The following DUSP4 variants were observed in gnomAD, a reference collection of about 807,000 sequenced individuals.
DUSP4 encodes the protein dual specificity phosphatase 4, also known as dual specificity protein phosphatase 4.
In DUSP4, 12 loss-of-function variants were observed where a neutral mutation model predicts 27.2. The observed-to-expected ratio is 0.44, with a 90% CI of 0.28 to 0.71. The LOEUF is 0.71. DUSP4 is among the 30% of genes least tolerant of loss of function. DUSP4 has a pLI of 0.14. For missense variants in DUSP4, 448 were observed against 551.3 expected, an observed-to-expected ratio of 0.81 and a Z score of 1.88; for synonymous variants, 257 against 245.2, an observed-to-expected ratio of 1.05 and a Z score of -0.45.
In DUSP4 at chr8:29,335,705, C is replaced by T. The variant is rs1817561766; in HGVS notation, c.*1321G>A. 1 of 152,222 alleles carries T rather than the reference C, an allele frequency of 6.6e-6. No individual in the cohort carries two copies. Among genetic ancestry groups the T allele is most frequent in the South Asian group, 2.1e-4 (1 of 4,828 alleles). The allele number at this position is 152,222 out of a possible 1,614,324, so 9.4% of individuals were successfully genotyped here. A position where few individuals can be genotyped will look rare whatever the true frequency, so the allele number is the denominator to read the frequency against. On this transcript the variant is annotated 3_prime_UTR_variant, in exon 4 of 4. Coordinates refer to ENST00000240100, the MANE Select transcript of DUSP4 (RefSeq NM_001394.7). ...ACAAAAGGATTCATTTCAGGGTTAT[C>T]TCTAGTTGTCTGGTTTCCCCAATGG...
In DUSP4 at chr8:29,337,265, T is replaced by G. The variant is rs1333837370; in HGVS notation, c.946A>C (p.Ile316Leu). ...AFEFVKQRRS[I>L]ISPNFSFMGQ... is the part of the protein sequence containing the mutation. ...ATGAAGCTGAAGTTGGGCGAGATGA[T>G]GCTGCGGCGCTGCTTAACGAACTCG... Residue 316 changes from isoleucine (I) to leucine (L), a missense_variant, in exon 4 of 4, where the codon ATC becomes CTC. By Grantham distance (5) the Ile-to-Leu change is conservative. Around this residue, in one of 3 missense-constraint regions of DUSP4, gnomAD observed 100 missense variants for 139.8 expected, o/e 0.72. Coordinates refer to ENST00000240100, the MANE Select transcript of DUSP4 (RefSeq NM_001394.7). The surrounding 1 kb of genome is among the most constrained non-coding windows in gnomAD (Gnocchi z 6.4). 6.2e-7 allele frequency: 1 copy of G among 1,613,754 alleles called. No individual in the cohort carries two copies. The highest frequency in any genetic ancestry group is 1.7e-5 in the Admixed American group (1 of 60,028).
rs1563858002 is a variant in DUSP4, at chr8:29,334,479, G to A, written c.*2547C>T. On this transcript the variant is annotated 3_prime_UTR_variant, in exon 4 of 4. Transcript: ENST00000240100. ...AATGAAAATGGCTTTATAAATAGCT[G>A]TTTTGACATTGTGATAGAAGGCTTG... is the stretch of plus-strand genomic sequence containing the variant. 6.6e-6 allele frequency: 1 copy of A among 152,230 alleles called. No homozygotes were observed. The highest frequency in any genetic ancestry group is 1.5e-5 in the Non-Finnish European group (1 of 68,040). The allele number at this position is 152,230 out of a possible 1,614,324, so 9.4% of individuals were successfully genotyped here.
intron 1 of DUSP4, among the ~76,000 whole-genome samples, chr8:29,342,945 A>AT (rs1234058763): frequency 6.6e-6 from 1 of 152,190 alleles, no homozygotes; most frequent in Non-Finnish European, 1.5e-5. Context: ...AGGCGGGTGG[A>AT]TCACGAGGTC....
intron 2 of DUSP4, among the ~76,000 whole-genome samples, chr8:29,339,829 C>A (rs1221381021): frequency 7.7e-5 from 5 of 64,650 alleles, no homozygotes; most frequent in Admixed American, 1.5e-4. Flanking sequence ...CATAGCAAGA[C>A]CCCCCCCCCC....
intron 1 of DUSP4, chr8:29,345,601 A>AT (rs1443499105): frequency 1.1e-5 from 16 of 1,488,654 alleles, no homozygotes; most frequent in South Asian, 4.3e-5. Flanking sequence ...AGATGTTCTG[A>AT]TTTTTTTTCA....
At chr8:29,345,105 G>A (rs988321728) in intron 1 of DUSP4, among the ~76,000 whole-genome samples, 5 of 152,176 alleles carry the variant, frequency 3.3e-5, no homozygotes, top group African/African-American at 1.2e-4. Context: ...TTGCAGGTGT[G>A]AGCCACCACA....
chr8:29,350,056 G>A lies in DUSP4; in HGVS notation c.223C>T (p.Arg75Trp). Residue 75 changes from arginine to tryptophan, a missense_variant, in exon 1 of 4, where the codon CGG (arginine) becomes TGG (tryptophan). Physicochemically the swap from Arg to Trp is moderately radical, Grantham distance 101. This residue lies in a region of DUSP4 where 345 missense variants were observed against 394.0 expected (regional missense o/e 0.88). Transcript: ENST00000240100. ...AGGCTCACGGAGCCCTTAGCCCGCC[G>A]CCGCACGATGGTGTTACAGCGCACG... ...VNVRCNTIVR[R>W]RAKGSVSLEQ... 1 of 1,599,120 alleles carries A rather than the reference G, an allele frequency of 6.3e-7. No individual in the cohort carries two copies. Among genetic ancestry groups the A allele is most frequent in the Non-Finnish European group, 8.5e-7 (1 of 1,174,384 alleles).
intron 1 of DUSP4, among the ~76,000 whole-genome samples, chr8:29,343,542 C>T (rs1349579195): frequency 6.6e-6 from 1 of 152,192 alleles, no homozygotes; most frequent in African/African-American, 2.4e-5. Context: ...CCACCCCTTC[C>T]TGGTGGGCCC....
At chr8:29,345,581 C>G (rs753923533) in intron 1 of DUSP4, 2 of 1,518,340 alleles carry the variant, frequency 1.3e-6, no homozygotes, top group Admixed American at 2.5e-5. Context: ...GAAATCGGCT[C>G]TCTGGTTTCA....
intron 1 of DUSP4, chr8:29,346,150 A>G (rs1183439385): frequency 1.1e-6 from 1 of 877,248 alleles, no homozygotes; most frequent in Non-Finnish European, 1.4e-6. Context: ...CCCCACATTC[A>G]TCAGTGGCCT....
At chr8:29,347,127 A>G (rs1817747372) in intron 1 of DUSP4, among the ~76,000 whole-genome samples, 1 of 152,206 alleles carries the variant, frequency 6.6e-6, no homozygotes, top group African/African-American at 2.4e-5. Flanking sequence ...AAGATAATCT[A>G]AGGGGCTTTT....
chr8:29,345,059 G>A (rs1409121133), intron 1 of DUSP4, among the ~76,000 whole-genome samples: 10 of 152,150 alleles, frequency 6.6e-5, no homozygotes, highest in Non-Finnish European at 1.2e-4. Context: ...CTGGCCTCAA[G>A]TGATCTGCCT....
chr8:29,350,642 C>T lies in DUSP4; in HGVS notation c.-364G>A, dbSNP rs1270394131. 4.8e-5 allele frequency: 12 copies of T among 250,998 alleles called. No homozygotes were observed. Among genetic ancestry groups the T allele is most frequent in the Non-Finnish European group, 9.0e-5 (12 of 132,940 alleles). The allele number at this position is 250,998 out of a possible 1,614,324, so 15.5% of individuals were successfully genotyped here. ...CTGTCGCCACTGGCGCCAGCGCTGC[C>T]CTGCCTACGCTCCTCCGGCGCTCAG... On this transcript the variant is annotated 5_prime_UTR_variant, in exon 1 of 4. Transcript: ENST00000240100.
chr8:29,344,763 A>G (rs556715470), intron 1 of DUSP4, among the ~76,000 whole-genome samples: 2 of 152,230 alleles, frequency 1.3e-5, no homozygotes, highest in African/African-American at 2.4e-5. Context: ...TAATATCACC[A>G]TAATAGGACT....
chr8:29,342,779 C>T (rs906975594), intron 1 of DUSP4, among the ~76,000 whole-genome samples: 1 of 152,168 alleles, frequency 6.6e-6, no homozygotes, highest in Non-Finnish European at 1.5e-5. Flanking sequence ...CCAGGCTCAT[C>T]GCAACTGTCT....
In DUSP4 at chr8:29,336,749, A is replaced by G. The variant is rs1817578714; in HGVS notation, c.*277T>C. The G allele has an allele frequency of 1.3e-5, 5 of 378,700 alleles. No individual in the cohort carries two copies. The highest frequency in any genetic ancestry group is 1.3e-4 in the Admixed American group (3 of 23,702). 23.5% of individuals were successfully genotyped at this position (378,700 alleles called of 1,614,324 possible). A position where few individuals can be genotyped will look rare whatever the true frequency, so the allele number is the denominator to read the frequency against. On this transcript the variant is annotated 3_prime_UTR_variant, in exon 4 of 4. Transcript: ENST00000240100. ...TAAAAAAATGAGGTAAGAAATTTCT[A>G]TCGGAAAAGTGAAACTGACACATAA...
chr8:29,350,257 G>T lies in DUSP4; in HGVS notation c.22C>A (p.Arg8=). The part of the protein sequence containing the change: MVTMEEL[R]EMDCSVLKRL... ...TTGAGCACACTGCAGTCCATCTCCC[G>T]CAGCTCCTCCATCGTCACCATGGTC... The change falls in exon 1 of 4, where the codon CGG becomes AGG. Residue 8 remains arginine, a synonymous_variant. Coordinates refer to ENST00000240100, the MANE Select transcript of DUSP4 (RefSeq NM_001394.7). The T allele has an allele frequency of 6.3e-7, 1 of 1,590,138 alleles. No individual in the cohort carries two copies.
rs1022038552 is a variant in DUSP4, at chr8:29,337,879, A to G, written c.799+403T>C. On this transcript the variant is annotated intron_variant, in intron 3 of 3. Transcript: ENST00000240100. This position sits in a 1 kb window ranked among gnomAD's most constrained non-coding sequence, Gnocchi z 6.4. ...GGCAGGAGAATCACTTGCACCCCAGAAGCGGAGGTTGCAGTGAGCTGAGAT... is the reference window on the plus strand; with the variant it reads ...GGCAGGAGAATCACTTGCACCCCAGGAGCGGAGGTTGCAGTGAGCTGAGAT... Among the ~76,000 whole-genome samples, 2 of 152,170 alleles carry G rather than the reference A, an allele frequency of 1.3e-5. No individual in the cohort carries two copies. Among genetic ancestry groups the G allele is most frequent in the Non-Finnish European group, 2.9e-5 (2 of 68,014 alleles).
At chr8:29,343,907 C>T (rs1817690078) in intron 1 of DUSP4, among the ~76,000 whole-genome samples, 1 of 152,220 alleles carries the variant, frequency 6.6e-6, no homozygotes, top group Non-Finnish European at 1.5e-5. Flanking sequence ...GTCCCTCCTA[C>T]CCATCCCCAA....
Sources: gnomAD v4.1 joint callset for allele counts (sites outside exome capture counted in the v4.1 genomes callset) on GRCh38, gnomAD v4.1.1 for gene constraint, gnomAD v4.1.1 regional missense constraint, Gnocchi (gnomAD v3.1) non-coding constraint, MANE v1.5 for transcripts, NCBI Gene and HGNC (gene_info 2026-07-23, HGNC 2026-07-21) for gene names.